The following ASPH variants were observed in gnomAD, a reference collection of about 807,000 sequenced individuals.
ASPH encodes the protein aspartate beta-hydroxylase.
In ASPH, 100 loss-of-function variants were observed where a neutral mutation model predicts 118.4. The observed-to-expected ratio is 0.84, with a 90% CI of 0.72 to 1.00. The LOEUF is 1.00. Among genes scored for constraint, ASPH ranks in the 50% least tolerant of loss-of-function variants. ASPH has a pLI of 0.00. For synonymous variants in ASPH, 315 were observed against 325.6 expected (o/e 0.97, Z 0.35); for missense variants, 920 against 919.5 (o/e 1.00, Z -0.01).
At chr8:61,598,612 G>A (rs535171129) in intron 14 of ASPH, among the ~76,000 whole-genome samples, 1 of 152,232 alleles carries the variant, frequency 6.6e-6, no homozygotes, top group Non-Finnish European at 1.5e-5. Flanking sequence ...AATAAACACT[G>A]GATTTAAACT....
chr8:61,573,105 G>A (rs767363720), intron 16 of ASPH, among the ~76,000 whole-genome samples: 11 of 152,016 alleles, frequency 7.2e-5, no homozygotes, highest in Non-Finnish European at 1.2e-4. Flanking sequence ...GTGAACTCCC[G>A]TTCACGATTG....
At chr8:61,591,543 T>C (rs1841141069) in intron 14 of ASPH, among the ~76,000 whole-genome samples, 1 of 152,166 alleles carries the variant, frequency 6.6e-6, no homozygotes, top group Non-Finnish European at 1.5e-5. Flanking sequence ...AAGGCACAAC[T>C]AACAGTAAAT....
intron 21 of ASPH, among the ~76,000 whole-genome samples, chr8:61,527,219 T>C (rs1815720287): frequency 6.6e-6 from 1 of 152,220 alleles, no homozygotes; most frequent in Non-Finnish European, 1.5e-5. Context: ...AAAGATTGAT[T>C]GAGTTTCTTT....
rs184595713 is a variant in ASPH at position 61,628,496 on chromosome 8, A to C, written c.934+5187T>G. The stretch of plus-strand genomic sequence containing the variant: ...TCAACACTTTTAAACATAGTATATA[A>C]CATCCTCTGAGAAGAGACACTTGCC... On this transcript the variant is annotated intron_variant, in intron 13 of 24. Coordinates refer to ENST00000379454, the MANE Select transcript of ASPH (RefSeq NM_004318.4). The C allele has an allele frequency of 8.6e-5, 17 of 197,646 alleles. No homozygotes were observed. The East Asian group carries it at 2.5e-3, about 29-fold the overall frequency. The allele number at this position is 197,646 out of a possible 1,614,324, so 12.2% of individuals were successfully genotyped here.
chr8:61,675,836 T>C lies in ASPH; in HGVS notation c.322+5132A>G, dbSNP rs561036471. On this transcript the variant is annotated intron_variant, in intron 3 of 24. Coordinates refer to ENST00000379454, the MANE Select transcript of ASPH (RefSeq NM_004318.4). ...ATACCACCAAGAACATCATTTTCAG[T>C]GTACTTTGTAGCTGACTACAAGAAT... 1.6e-5 allele frequency: 21 copies of C among 1,295,008 alleles called. No individual in the cohort carries two copies. In the South Asian group the frequency reaches 5.0e-4, roughly 31 times the overall value. 80.2% of individuals were successfully genotyped at this position (1,295,008 alleles called of 1,614,324 possible).
In ASPH at chr8:61,684,184, T is replaced by C. The variant is rs765915668; in HGVS notation, c.108A>G (p.Thr36=). The change falls in exon 2 of 25, where the codon ACA becomes ACG. Residue 36 remains threonine (T), a synonymous_variant. Transcript: ENST00000379454. ...GSSSPGARRE[T]KHGGHKNGRK... is the part of the protein sequence containing the mutation. ...TCCCATTCTTGTGTCCTCCATGCTT[T>C]GTCTCTGTTTAGAAATAAATGTAAG... is the stretch of plus-strand genomic sequence containing the variant. 1.6e-5 allele frequency: 26 copies of C among 1,609,668 alleles called. No homozygotes were observed. In the South Asian group the frequency reaches 2.4e-4, roughly 15 times the overall value.
intron 14 of ASPH, among the ~76,000 whole-genome samples, chr8:61,594,661 C>A (rs990546709): frequency 6.6e-6 from 1 of 152,112 alleles, no homozygotes; most frequent in Non-Finnish European, 1.5e-5. Context: ...ACTTTTATTA[C>A]AGTATATTGT....
chr8:61,553,173 T>C, intron 19 of ASPH, 53 bp from the exon 20 acceptor site: 1 of 1,355,384 alleles, frequency 7.4e-7, no homozygotes, highest in Non-Finnish European at 1.0e-6. Context: ...CCAGATTCCA[T>C]TAATTGATTT....
chr8:61,671,549 G>A (rs1172825231), intron 3 of ASPH, among the ~76,000 whole-genome samples: 3 of 152,076 alleles, frequency 2.0e-5, no homozygotes, highest in African/African-American at 7.2e-5. Context: ...GCAGCATTAG[G>A]ATGTGCTTAA....
intron 15 of ASPH, among the ~76,000 whole-genome samples, chr8:61,577,625 A>C (rs1835790169): frequency 1.3e-5 from 2 of 152,198 alleles, no homozygotes; most frequent in South Asian, 4.1e-4. Context: ...GGGGAGGCCT[A>C]AGGAAACTTG....
At chr8:61,580,953 T>C (rs1287601232) in intron 15 of ASPH, among the ~76,000 whole-genome samples, 1 of 152,238 alleles carries the variant, frequency 6.6e-6, no homozygotes, top group Non-Finnish European at 1.5e-5. Context: ...ATGCACCCCA[T>C]GCAACTTAAA....
intron 3 of ASPH, chr8:61,664,742 T>A: frequency 1.0e-6 from 1 of 982,818 alleles, no homozygotes. Flanking sequence ...GCGGGAGGGC[T>A]GGGAGGGCTG....
chr8:61,685,167 G>C (rs1318363587), intron 1 of ASPH, among the ~76,000 whole-genome samples: 1 of 152,020 alleles, frequency 6.6e-6, no homozygotes, highest in Non-Finnish European at 1.5e-5. Context: ...ATTTCTGGAT[G>C]TTTATGCAGG....
intron 20 of ASPH, among the ~76,000 whole-genome samples, chr8:61,548,513 G>C (rs1016843202): frequency 9.9e-5 from 15 of 152,036 alleles, no homozygotes; most frequent in African/African-American, 3.6e-4. Flanking sequence ...AGGGAGTCGA[G>C]CACTTATTTT....
chr8:61,536,336 A>G lies in ASPH; in HGVS notation c.1765-10224T>C, dbSNP rs370296331. Among the ~76,000 whole-genome samples the G allele has an allele frequency of 6.1e-4, 93 of 152,238 alleles. 1 individual carries two copies. The Middle Eastern group carries it at 0.027, about 45-fold the overall frequency. ...TTACAGGCGTGAGCCACCGCACCCA[A>G]CCAACAGGTGACATTTCTTATTGTG... On this transcript the variant is annotated intron_variant, in intron 21 of 24. Transcript: ENST00000379454.
At chr8:61,625,674 C>T in intron 13 of ASPH, 1 of 984,532 alleles carries the variant, frequency 1.0e-6, no homozygotes, top group Non-Finnish European at 1.2e-6. Context: ...CTAAAAGCTA[C>T]AAAAATTTCA....
chr8:61,509,402 A>G (rs1807929797), intron 24 of ASPH, among the ~76,000 whole-genome samples: 1 of 152,186 alleles, frequency 6.6e-6, no homozygotes, highest in South Asian at 2.1e-4. Context: ...TTTAGATCAC[A>G]TAGGGTAATC....
At chr8:61,640,422 C>T (rs1804586170) in intron 10 of ASPH, among the ~76,000 whole-genome samples, 1 of 152,304 alleles carries the variant, frequency 6.6e-6, no homozygotes, top group South Asian at 2.1e-4. Context: ...CATTTCACCA[C>T]CTCAGCCTTA....
intron 21 of ASPH, among the ~76,000 whole-genome samples, chr8:61,543,570 CT>C (rs1822722931): frequency 6.6e-6 from 1 of 152,136 alleles, no homozygotes; most frequent in Non-Finnish European, 1.5e-5. Context: ...TTAAAACATA[CT>C]GACGATAGCT....
Sources: gnomAD v4.1 joint callset for allele counts (sites outside exome capture counted in the v4.1 genomes callset) on GRCh38, gnomAD v4.1.1 for gene constraint, MANE v1.5 for transcripts, NCBI Gene and HGNC (gene_info 2026-07-23, HGNC 2026-07-21) for gene names.